The following PLEC variants were observed in gnomAD, a reference collection of about 807,000 sequenced individuals.
PLEC encodes the protein plectin.
PLEC carries 216 observed loss-of-function variants against 392.8 expected under a neutral mutation model. The ratio of observed to expected loss-of-function variants is 0.55; its 90% CI spans 0.49 to 0.62. The LOEUF (loss-of-function observed/expected upper bound fraction) is 0.62, where lower values mean the gene tolerates loss of function less well. Ranked by LOEUF, PLEC falls within the 20% of genes least tolerant of loss-of-function variation. The pLI, the probability that PLEC is intolerant of heterozygous loss-of-function variation, is 0.00. For missense variants in PLEC, 6,863 were observed against 6,563.4 expected, an observed-to-expected ratio of 1.05 and a Z score of -1.58; for synonymous variants, 3,621 against 2,980.6, an observed-to-expected ratio of 1.21 and a Z score of -7.00.
chr8:143,915,837 C>CTG lies in PLEC; in HGVS notation c.*338_*339dup, dbSNP rs1820353073. ...ACAGACAGGGTTGGGCCCAGCTGCCCTGTGCAGCTAGGACTGGCAGGCGGG... is the reference window on the plus strand; with the variant it reads ...ACAGACAGGGTTGGGCCCAGCTGCCCTGTGTGCAGCTAGGACTGGCAGGCGGG... On this transcript the variant is annotated 3_prime_UTR_variant, in exon 32 of 32. Transcript: ENST00000345136. 4.8e-6 allele frequency: 1 copy of CTG among 209,152 alleles called. No individual in the cohort carries two copies. The highest frequency in any genetic ancestry group is 5.5e-5 in the Admixed American group (1 of 18,238). The allele number at this position is 209,152 out of a possible 1,614,324, so 13.0% of individuals were successfully genotyped here. A position where few individuals can be genotyped will look rare whatever the true frequency, so the allele number is the denominator to read the frequency against.
Position 143,938,207 on chromosome 8 carries a change from G to C in PLEC, c.208C>G (p.Leu70Val). 1 of 1,607,960 alleles carries C rather than the reference G, an allele frequency of 6.2e-7. No homozygotes were observed. Among genetic ancestry groups the C allele is most frequent in the Non-Finnish European group, 8.5e-7 (1 of 1,178,548 alleles). ...GAGATGAGGTTGTGGCCATCGCGGA[G>C]GTCTTCATACAGGTCACTGATGTGC... ...QRHISDLYED[L>V]RDGHNLISLL... The change falls in exon 3 of 32, where the codon CTC becomes GTC. Residue 70 changes from leucine (L) to valine (V), a missense_variant. Coordinates refer to ENST00000345136, the MANE Select transcript of PLEC (RefSeq NM_201384.3).
rs138924815 is a variant in PLEC, at chr8:143,934,868, C to A, written c.887G>T (p.Arg296Leu). ...ELVLLLLQWMRHHTAAFEERR... is the reference protein window; with the variant it reads ...ELVLLLLQWMLHHTAAFEERR... ...TTCCTCAAAGGCGGCCGTGTGGTGT[C>A]GCATCCACTGAAGCAGCAGCAGCAC... The change falls in exon 9 of 32, where the codon CGA (arginine) becomes CTA (leucine). Residue 296 changes from arginine to leucine, a missense_variant. By Grantham distance (102) the Arg-to-Leu change is moderately radical (BLOSUM62 -2). Coordinates refer to ENST00000345136, the MANE Select transcript of PLEC (RefSeq NM_201384.3). 6.2e-7 allele frequency: 1 copy of A among 1,611,196 alleles called. No homozygotes were observed. Among genetic ancestry groups the A allele is most frequent in the African/African-American group, 1.3e-5 (1 of 74,922 alleles).
chr8:143,965,534 C>A (rs1392000534), intron 1 of PLEC, among the ~76,000 whole-genome samples: 3 of 152,228 alleles, frequency 2.0e-5, no homozygotes, highest in African/African-American at 7.2e-5. Context: ...CACTGTGGGT[C>A]TGTGGGCATC....
chr8:143,953,712 C>T (rs1554738136), upstream of PLEC: 8 of 1,609,632 alleles, frequency 5.0e-6, no homozygotes, highest in East Asian at 9.0e-5. Flanking sequence ...TCGGGCCCGG[C>T]CCCAGGACCG....
chr8:143,954,733 G>A (rs1217640388), upstream of PLEC, among the ~76,000 whole-genome samples: 2 of 152,318 alleles, frequency 1.3e-5, no homozygotes, highest in East Asian at 1.9e-4. This position sits in a 1 kb window ranked among gnomAD's most constrained non-coding sequence, Gnocchi z 4.6. Flanking sequence ...CAGGGGGCAC[G>A]GAGGAATGCT....
In PLEC at chr8:143,920,731, C is replaced by T. The variant is rs1554682772; in HGVS notation, c.9090G>A (p.Trp3030Ter). 6.2e-7 allele frequency: 1 copy of T among 1,604,012 alleles called. No individual in the cohort carries two copies. ...LRGANVIAGV[W>*]LEEAGQKLSI... is the part of the protein sequence containing the mutation. ...TCAGCTTCTGCCCCGCCTCCTCCAG[C>T]CATACACCCGCGATGACGTTGGCAC... Residue 3030 changes from tryptophan (W) to a stop codon, truncating the protein, a stop_gained, in exon 32 of 32, where the codon TGG (tryptophan) becomes TGA (stop). Coordinates refer to ENST00000345136, the MANE Select transcript of PLEC (RefSeq NM_201384.3). LOFTEE classifies it high-confidence loss of function.
At chr8:143,974,054 C>A (rs1322835239), upstream of PLEC, among the ~76,000 whole-genome samples, 1 of 152,230 alleles carries the variant, frequency 6.6e-6, no homozygotes, top group South Asian at 2.1e-4. The surrounding 1 kb of genome is among the most constrained non-coding windows in gnomAD (Gnocchi z 5.9). Context: ...ATTGGCAAAG[C>A]CCCCGCTCTC....
chr8:143,949,912 GA>G (rs1423475229), intron 1 of PLEC, among the ~76,000 whole-genome samples: 1 of 152,112 alleles, frequency 6.6e-6, no homozygotes, highest in Non-Finnish European at 1.5e-5. Flanking sequence ...GTGTTGGAGA[GA>G]GGGGAGGGGG....
At chr8:143,945,455 A>G (rs548970472) in intron 1 of PLEC, among the ~76,000 whole-genome samples, 35 of 152,224 alleles carry the variant, frequency 2.3e-4, no homozygotes, top group African/African-American at 7.9e-4. Flanking sequence ...CAGCCGGGGA[A>G]ACAGGACGTG....
upstream of PLEC, among the ~76,000 whole-genome samples, chr8:143,939,861 C>T (rs868910293): frequency 1.3e-5 from 2 of 152,226 alleles, no homozygotes; most frequent in East Asian, 1.9e-4. Context: ...GTGCCAGGAC[C>T]GCAGAGGAAC....
Position 143,921,705 on chromosome 8 carries a change from T to C in PLEC, c.8116A>G (p.Thr2706Ala), listed in dbSNP as rs781896030. Residue 2706 changes from threonine to alanine, a missense_variant, in exon 32 of 32, where the codon ACC (threonine) becomes GCC (alanine). Thr to Ala is a moderately conservative substitution (Grantham distance 58). Coordinates refer to ENST00000345136, the MANE Select transcript of PLEC (RefSeq NM_201384.3). ...SSIAGLLLKA[T>A]NEKLSVYAAL... Reference sequence around the variant, plus strand: ...GCGTAAACACTCAGCTTCTCATTGGTGGCCTTCAGCAACAGCCCTGCGATA... The same window carrying C: ...GCGTAAACACTCAGCTTCTCATTGGCGGCCTTCAGCAACAGCCCTGCGATA... The C allele has an allele frequency of 6.2e-7, 1 of 1,613,032 alleles. No individual in the cohort carries two copies. Among genetic ancestry groups the C allele is most frequent in the Non-Finnish European group, 8.5e-7 (1 of 1,179,908 alleles).
chr8:143,952,991 A>ACCCC (rs782052155), upstream of PLEC, among the ~76,000 whole-genome samples: 4 of 28,300 alleles, frequency 1.4e-4, no homozygotes, highest in African/African-American at 2.6e-4. Context: ...GGCATGCGCC[A>ACCCC]CCCCCCCCCG....
At chr8:143,936,340 C>T (rs1251471856) in intron 5 of PLEC, among the ~76,000 whole-genome samples, 5 of 152,226 alleles carry the variant, frequency 3.3e-5, no homozygotes, top group Non-Finnish European at 4.4e-5. Flanking sequence ...CTGCACCTCC[C>T]GGAGCTGGGA....
rs781877026 is a variant in PLEC, at chr8:143,918,972, G to A, written c.10849C>T (p.Arg3617Cys). Residue 3617 changes from arginine (R) to cysteine (C), a missense_variant, in exon 32 of 32, where the codon CGC (arginine) becomes TGC (cysteine). Transcript: ENST00000345136. ...DFQAGRVTKERMIIIIIEIIE... is the reference protein window; with the variant it reads ...DFQAGRVTKECMIIIIIEIIE... ...ATCTCGATGATGATGATGATCATGC[G>A]TTCCTTGGTCACCCGGCCGGCCTGG... 30 of 1,610,822 alleles carry A rather than the reference G, an allele frequency of 1.9e-5. No homozygotes were observed. The highest frequency in any genetic ancestry group is 9.3e-5 in the African/African-American group (7 of 74,928).
In PLEC at chr8:143,919,752, G is replaced by A; in HGVS notation, c.10069C>T (p.Leu3357Phe). ...VRTLLQGSGC[L>F]AGIYLEDTKE... The stretch of plus-strand genomic sequence containing the variant: ...GTGTCCTCCAGGTAGATGCCGGCGA[G>A]GCAGCCACTGCCCTGCAGCAGCGTC... Residue 3357 changes from leucine to phenylalanine, a missense_variant, in exon 32 of 32, where the codon CTC (leucine) becomes TTC (phenylalanine). Leu to Phe is a conservative substitution (Grantham distance 22, BLOSUM62 0). Transcript: ENST00000345136. The A allele has an allele frequency of 6.2e-7, 1 of 1,609,336 alleles. No individual in the cohort carries two copies.
At chr8:143,951,964 C>T (rs1183873736), upstream of PLEC, among the ~76,000 whole-genome samples, 3 of 152,136 alleles carry the variant, frequency 2.0e-5, no homozygotes, top group East Asian at 3.9e-4. Flanking sequence ...CTCCATGGAC[C>T]CCCACCCGTA....
rs1284354682 is a variant in PLEC at position 143,919,480 on chromosome 8, G to A, written c.10341C>T (p.Leu3447=). 3 of 1,613,132 alleles carry A rather than the reference G, an allele frequency of 1.9e-6. No individual in the cohort carries two copies. Among genetic ancestry groups the A allele is most frequent in the Non-Finnish European group, 8.5e-7 (1 of 1,179,898 alleles). ...RDPYSGSTIS[L]FQAMQKGLVL... ...CCAGGCCCTTCTGCATGGCCTGGAA[G>A]AGGGAGATGGTGCTGCCCGAGTAGG... Residue 3447 remains leucine, a synonymous_variant, in exon 32 of 32, where the codon CTC becomes CTT. Coordinates refer to ENST00000345136, the MANE Select transcript of PLEC (RefSeq NM_201384.3).
chr8:143,933,257 A>C lies in PLEC; in HGVS notation c.1358T>G (p.Phe453Cys), dbSNP rs782125634. 7 of 1,612,984 alleles carry C rather than the reference A, an allele frequency of 4.3e-6. No homozygotes were observed. The African/African-American group carries it at 9.3e-5, about 22-fold the overall frequency. The change falls in exon 13 of 32, where the codon TTC becomes TGC. Residue 453 changes from phenylalanine to cysteine, a missense_variant. Physicochemically the swap from Phe to Cys is radical, Grantham distance 205. Coordinates refer to ENST00000345136, the MANE Select transcript of PLEC (RefSeq NM_201384.3). The stretch of plus-strand genomic sequence containing the variant: ...ATCCTTGAGGGTCTGCACGTCGTTG[A>C]AGAGCAGCCGGATCATGCTATCCGC... ...DKADSMIRLLFNDVQTLKDGR... is the reference protein window; with the variant it reads ...DKADSMIRLLCNDVQTLKDGR...
At chr8:143,953,759 G>A (rs1554738188), upstream of PLEC, 1 of 1,612,254 alleles carries the variant, frequency 6.2e-7, no homozygotes, top group African/African-American at 1.3e-5. Context: ...TGGATGGCTC[G>A]CGAGGGGTCC....
Sources: gnomAD v4.1 joint callset for allele counts (sites outside exome capture counted in the v4.1 genomes callset) on GRCh38, gnomAD v4.1.1 for gene constraint, Gnocchi (gnomAD v3.1) non-coding constraint, MANE v1.5 for transcripts, NCBI Gene and HGNC (gene_info 2026-07-23, HGNC 2026-07-21) for gene names.